The following LATS2 variants were observed in gnomAD, a reference collection of about 807,000 sequenced individuals.
LATS2 encodes the protein large tumor suppressor kinase 2, also known as serine/threonine-protein kinase LATS2.
In LATS2, 24 loss-of-function variants were observed where a neutral mutation model predicts 76.0. That is an observed-to-expected ratio of 0.32 (90% confidence interval 0.23 to 0.44). LATS2 has a LOEUF of 0.44. LATS2 is among the 20% of genes least tolerant of loss of function. The pLI, the probability that LATS2 is intolerant of heterozygous loss-of-function variation, is 1.00. For missense variants in LATS2, 1,286 were observed against 1,481.2 expected, an observed-to-expected ratio of 0.87 and a Z score of 2.16; for synonymous variants, 692 against 635.4, an observed-to-expected ratio of 1.09 and a Z score of -1.34.
intron 2 of LATS2, among the ~76,000 whole-genome samples, chr13:21,013,669 T>C (rs1871683893): frequency 6.6e-6 from 1 of 152,050 alleles, no homozygotes; most frequent in South Asian, 2.1e-4. Context: ...ACAGATCACT[T>C]AAAAATAAAA....
chr13:21,036,436 C>A lies in LATS2; in HGVS notation c.342+9249G>T, dbSNP rs1420474385. 3.9e-5 allele frequency among the ~76,000 whole-genome samples: 6 copies of A among 152,086 alleles called. No individual in the cohort carries two copies. In the East Asian group the frequency reaches 5.8e-4, roughly 15 times the overall value. On this transcript the variant is annotated intron_variant, in intron 2 of 7. Coordinates refer to ENST00000382592, the MANE Select transcript of LATS2 (RefSeq NM_014572.3). The stretch of plus-strand genomic sequence containing the variant: ...CTTTCTAGTACTTAAAAGTGGAGAA[C>A]TATTACCACTTTCTATTATCACACA...
chr13:21,058,000 T>C (rs1333882019), intron 1 of LATS2, among the ~76,000 whole-genome samples: 1 of 152,190 alleles, frequency 6.6e-6, no homozygotes, highest in Non-Finnish European at 1.5e-5. Flanking sequence ...ACGATGCCCC[T>C]GGACTTGTGT....
intron 1 of LATS2, among the ~76,000 whole-genome samples, chr13:21,060,047 AG>A (rs142292013): frequency 0.014 from 2,099 of 152,318 alleles, 65 homozygotes; most frequent in African/African-American, 0.048. Context: ...TCTCATCCAA[AG>A]GCCTCAGAAC....
intron 2 of LATS2, among the ~76,000 whole-genome samples, chr13:21,011,589 C>A (rs1871593891): frequency 6.6e-6 from 1 of 152,204 alleles, no homozygotes; most frequent in Non-Finnish European, 1.5e-5. Flanking sequence ...TCATCACATG[C>A]TACTGGTGGA....
At chr13:21,029,588 C>G (rs575537089) in intron 2 of LATS2, among the ~76,000 whole-genome samples, 10 of 151,942 alleles carry the variant, frequency 6.6e-5, no homozygotes, top group African/African-American at 1.9e-4. Flanking sequence ...GTCAGGAGTT[C>G]GAGACCAGCC....
At chr13:21,037,428 A>G (rs960456687) in intron 2 of LATS2, among the ~76,000 whole-genome samples, 2 of 151,950 alleles carry the variant, frequency 1.3e-5, no homozygotes, top group Non-Finnish European at 2.9e-5. Flanking sequence ...TTTAAAAATC[A>G]TATTTTAAAA....
chr13:21,017,332 TTC>T (rs1871841672), intron 2 of LATS2, among the ~76,000 whole-genome samples: 1 of 152,178 alleles, frequency 6.6e-6, no homozygotes, highest in African/African-American at 2.4e-5. Flanking sequence ...GCAATCCTTT[TTC>T]TTTTTTTTGT....
intron 2 of LATS2, among the ~76,000 whole-genome samples, chr13:21,006,540 T>C (rs75884357): frequency 0.024 from 3,654 of 152,270 alleles, 59 homozygotes; most frequent in East Asian, 0.06. Flanking sequence ...CATGAACAGA[T>C]TAAATGTGAC....
intron 2 of LATS2, among the ~76,000 whole-genome samples, chr13:21,033,262 A>T (rs1381132095): frequency 6.6e-6 from 1 of 152,036 alleles, no homozygotes; most frequent in East Asian, 1.9e-4. Context: ...AACAGGGAGG[A>T]TGGGAGAGAA....
At chr13:21,048,494 T>C (rs1873147728) in intron 1 of LATS2, among the ~76,000 whole-genome samples, 1 of 152,156 alleles carries the variant, frequency 6.6e-6, no homozygotes, top group South Asian at 2.1e-4. Context: ...CATCTACTCA[T>C]CTAGCCCATC....
At position 20,988,035 on chromosome 13, in the gene LATS2, T is replaced by C; in HGVS notation, c.1745A>G (p.Lys582Arg). ...QIQTSPVPVR[K>R]NSRDEEKRES... is the part of the protein sequence containing the mutation. Reference sequence around the variant, plus strand: ...TCTCTTCTCTTCGTCTCTGCTGTTTTTGCGGACGGGAACGGGAGAGGTCTG... The same window carrying C: ...TCTCTTCTCTTCGTCTCTGCTGTTTCTGCGGACGGGAACGGGAGAGGTCTG... Residue 582 changes from lysine to arginine, a missense_variant, in exon 4 of 8, where the codon AAA (lysine) becomes AGA (arginine). Coordinates refer to ENST00000382592, the MANE Select transcript of LATS2 (RefSeq NM_014572.3). 1.2e-6 allele frequency: 2 copies of C among 1,614,274 alleles called. No individual in the cohort carries two copies. Among genetic ancestry groups the C allele is most frequent in the Non-Finnish European group, 1.7e-6 (2 of 1,180,046 alleles).
At chr13:21,012,241 T>C (rs1229950399) in intron 2 of LATS2, among the ~76,000 whole-genome samples, 1 of 152,064 alleles carries the variant, frequency 6.6e-6, no homozygotes, top group South Asian at 2.1e-4. Flanking sequence ...ACACTTAACA[T>C]GAATGGAGCC....
intron 2 of LATS2, among the ~76,000 whole-genome samples, chr13:21,031,667 TG>T (rs1670548043): frequency 6.6e-6 from 1 of 152,138 alleles, no homozygotes; most frequent in African/African-American, 2.4e-5. Flanking sequence ...GAGACCAGCC[TG>T]GGCAAAATAG....
intron 1 of LATS2, among the ~76,000 whole-genome samples, chr13:21,049,642 GGACAAGAGC>G (rs1480139130): frequency 6.6e-6 from 1 of 152,190 alleles, no homozygotes; most frequent in African/African-American, 2.4e-5. Flanking sequence ...AGCTATGAAA[GGACAAGAGC>G]CACAAGAGAC....
chr13:21,037,754 G>A (rs553253473), intron 2 of LATS2, among the ~76,000 whole-genome samples: 7 of 152,280 alleles, frequency 4.6e-5, no homozygotes, highest in South Asian at 4.2e-4. Flanking sequence ...GCCTGGTCCC[G>A]CAGCAGGGCC....
At position 21,046,981 on chromosome 13, in the gene LATS2, T is replaced by C. The variant is rs192020775; in HGVS notation, c.-204-751A>G. ...ACAGCATGTAGGCAACTTCTCAGAG[T>C]GCACCATGGCCACATGAACATCAAA... is the stretch of plus-strand genomic sequence containing the variant. On this transcript the variant is annotated intron_variant, in intron 1 of 7. Transcript: ENST00000382592. 4.9e-4 allele frequency among the ~76,000 whole-genome samples: 74 copies of C among 152,188 alleles called. No homozygotes were observed. The East Asian group carries it at 9.8e-3, about 20-fold the overall frequency.
chr13:21,022,690 G>T (rs887618681), intron 2 of LATS2, among the ~76,000 whole-genome samples: 14 of 152,128 alleles, frequency 9.2e-5, no homozygotes, highest in Non-Finnish European at 1.5e-4. Flanking sequence ...AATACTGAAG[G>T]GGGAGAGAGA....
chr13:21,008,404 T>G (rs1410740832), intron 2 of LATS2, among the ~76,000 whole-genome samples: 1 of 152,134 alleles, frequency 6.6e-6, no homozygotes, highest in Admixed American at 6.5e-5. Flanking sequence ...GACTTCAGAC[T>G]GAGACACAAA....
chr13:21,019,341 T>C (rs1425536501), intron 2 of LATS2, among the ~76,000 whole-genome samples: 15 of 129,744 alleles, frequency 1.2e-4, no homozygotes, highest in African/African-American at 3.9e-4. Flanking sequence ...ATTATTATTA[T>C]TTGAGACAGA....
Sources: gnomAD v4.1 joint callset for allele counts (sites outside exome capture counted in the v4.1 genomes callset) on GRCh38, gnomAD v4.1.1 for gene constraint, MANE v1.5 for transcripts, NCBI Gene and HGNC (gene_info 2026-07-23, HGNC 2026-07-21) for gene names.